The following UBA2 variants were observed in gnomAD, a reference collection of about 807,000 sequenced individuals.
UBA2 encodes the protein SUMO-activating enzyme subunit 2.
In UBA2, 11 loss-of-function variants were observed where a neutral mutation model predicts 77.2. The observed-to-expected ratio is 0.14, with a 90% CI of 0.09 to 0.24. The LOEUF (loss-of-function observed/expected upper bound fraction) is 0.24. Ranked by LOEUF, UBA2 falls within the 10% of genes least tolerant of loss-of-function variation. The pLI is 1.00. For missense variants in UBA2, 487 were observed against 781.7 expected, an observed-to-expected ratio of 0.62 and a Z score of 4.50; for synonymous variants, 278 against 276.7, an observed-to-expected ratio of 1.00 and a Z score of -0.05.
intron 6 of UBA2, among the ~76,000 whole-genome samples, chr19:34,440,691 C>G (rs1291932746): frequency 6.6e-6 from 1 of 152,172 alleles, no homozygotes; most frequent in African/African-American, 2.4e-5. Flanking sequence ...CACTTGGAAG[C>G]TGAAGCGGGT....
intron 13 of UBA2, among the ~76,000 whole-genome samples, chr19:34,459,449 G>C (rs2075607280): frequency 6.6e-6 from 1 of 152,148 alleles, no homozygotes; most frequent in Non-Finnish European, 1.5e-5. Flanking sequence ...TCTGAGGTCT[G>C]AGTTGAGGCT....
At chr19:34,454,225 G>A (rs767058977) in intron 10 of UBA2, 35 bp from the exon 11 acceptor site, 3 of 1,528,864 alleles carry the variant, frequency 2.0e-6, no homozygotes, top group Non-Finnish European at 1.8e-6. Flanking sequence ...GTCAATTTGT[G>A]GAGAAACTTG....
intron 12 of UBA2, among the ~76,000 whole-genome samples, chr19:34,457,657 G>A (rs997397280): frequency 2.0e-5 from 3 of 152,250 alleles, no homozygotes; most frequent in East Asian, 1.9e-4. Context: ...GAGGGATTTA[G>A]TTCTGTATTC....
chr19:34,455,011 CGTA>C (rs1466880724), intron 12 of UBA2, among the ~76,000 whole-genome samples: 16 of 152,034 alleles, frequency 1.1e-4, no homozygotes, highest in Admixed American at 6.6e-5. Context: ...TGCTATTTCT[CGTA>C]GTGATTTGCT....
chr19:34,441,590 A>G (rs886397327), intron 6 of UBA2, among the ~76,000 whole-genome samples: 52 of 152,360 alleles, frequency 3.4e-4, no homozygotes, highest in African/African-American at 1.1e-3. Flanking sequence ...TTGCACTCAG[A>G]AAAGTATACA....
intron 15 of UBA2, among the ~76,000 whole-genome samples, chr19:34,464,557 T>TAA (rs11284248): frequency 2.1e-5 from 3 of 141,440 alleles, no homozygotes; most frequent in Non-Finnish European, 3.0e-5. Context: ...GACTCCAACT[T>TAA]AAAAAAAAAA....
intron 14 of UBA2, among the ~76,000 whole-genome samples, chr19:34,463,635 T>C (rs1409096163): frequency 1.3e-5 from 2 of 152,140 alleles, no homozygotes; most frequent in African/African-American, 4.8e-5. Context: ...TTTTTGCTGC[T>C]CTGTTGCCTA....
rs1460867846 is a variant in UBA2 at position 34,469,034 on chromosome 19, A to G, written c.1742-6A>G. 6.3e-7 allele frequency: 1 copy of G among 1,592,126 alleles called. No homozygotes were observed. The highest frequency in any genetic ancestry group is 1.1e-5 in the South Asian group (1 of 87,252). ...CATTTTCTTTTTCCCTTTTTTCTGA[A>G]ATAAGCTCAAGAGCAAGATGACGTT... On this transcript the variant is annotated splice_region_variant and splice_polypyrimidine_tract_variant and intron_variant, in intron 16 of 16. Coordinates refer to ENST00000246548, the MANE Select transcript of UBA2 (RefSeq NM_005499.3).
intron 6 of UBA2, among the ~76,000 whole-genome samples, chr19:34,439,273 T>C (rs1361330208): frequency 6.6e-6 from 1 of 151,566 alleles, no homozygotes; most frequent in Admixed American, 6.6e-5. Context: ...GAGACAGCCA[T>C]GTAACTAAGC....
chr19:34,465,639 A>AG (rs1288780995), intron 15 of UBA2, among the ~76,000 whole-genome samples: 1 of 150,672 alleles, frequency 6.6e-6, no homozygotes, highest in Non-Finnish European at 1.5e-5. Flanking sequence ...CCATGTCAGA[A>AG]AAAAAAAAAA....
chr19:34,428,817 C>T (rs560118536), intron 1 of UBA2: 3 of 1,155,800 alleles, frequency 2.6e-6, no homozygotes, highest in African/African-American at 3.2e-5. Flanking sequence ...CCCCCGCCTC[C>T]CCGGCAGCGC....
intron 12 of UBA2, among the ~76,000 whole-genome samples, chr19:34,458,147 C>T (rs2075588505): frequency 6.6e-6 from 1 of 152,220 alleles, no homozygotes; most frequent in Non-Finnish European, 1.5e-5. Flanking sequence ...CACAGATTAA[C>T]ATGCCTGTGC....
intron 7 of UBA2, among the ~76,000 whole-genome samples, chr19:34,444,597 A>G (rs1374021879): frequency 6.6e-6 from 1 of 152,126 alleles, no homozygotes; most frequent in Non-Finnish European, 1.5e-5. Context: ...GCATGAGGTC[A>G]GGAGTTTGAG....
At position 34,466,704 on chromosome 19, in the gene UBA2, G is replaced by T. The variant is rs148678686; in HGVS notation, c.1605-174G>T. On this transcript the variant is annotated intron_variant, in intron 15 of 16. Transcript: ENST00000246548. ...AGCCCAAGATTTCAAGACCAGCCTGGGCAACATTATGAGACCCTATCTCTC... is the reference window on the plus strand; with the variant it reads ...AGCCCAAGATTTCAAGACCAGCCTGTGCAACATTATGAGACCCTATCTCTC... 5.3e-3 allele frequency among the ~76,000 whole-genome samples: 804 copies of T among 151,846 alleles called. 5 individuals are homozygous for T. Among genetic ancestry groups the T allele is most frequent in the African/African-American group, 0.018 (758 of 41,366 alleles).
chr19:34,445,529 C>T (rs573672475), intron 8 of UBA2, among the ~76,000 whole-genome samples: 13 of 151,520 alleles, frequency 8.6e-5, no homozygotes, highest in Non-Finnish European at 1.8e-4. Context: ...AGCCCCGCCT[C>T]CTGGGTTCAA....
chr19:34,464,761 A>G (rs1382110073), intron 15 of UBA2, among the ~76,000 whole-genome samples: 1 of 152,222 alleles, frequency 6.6e-6, no homozygotes, highest in East Asian at 1.9e-4. Flanking sequence ...TATTTCTTCC[A>G]TAAAACAAAT....
intron 15 of UBA2, among the ~76,000 whole-genome samples, chr19:34,466,066 C>T (rs117615133): frequency 0.04 from 6,096 of 151,848 alleles, 185 homozygotes; most frequent in Admixed American, 0.11. Context: ...CCAGGCGTGA[C>T]GGCTCACACC....
intron 12 of UBA2, among the ~76,000 whole-genome samples, chr19:34,457,902 G>A (rs1030516014): frequency 3.9e-5 from 6 of 152,054 alleles, no homozygotes; most frequent in African/African-American, 1.4e-4. Flanking sequence ...TTTTTGTTTA[G>A]TATTAGAGAA....
intron 6 of UBA2, among the ~76,000 whole-genome samples, chr19:34,441,900 G>A (rs1359875244): frequency 6.8e-6 from 1 of 146,872 alleles, no homozygotes; most frequent in Admixed American, 7.0e-5. Flanking sequence ...CAACCTGGGG[G>A]ACAGAGCGAG....
Sources: allele counts gnomAD v4.1 joint callset (sites outside exome capture counted in the v4.1 genomes callset), GRCh38; gene constraint gnomAD v4.1.1; transcripts MANE v1.5; gene names NCBI Gene and HGNC (gene_info 2026-07-23, HGNC 2026-07-21).